Variants in LGR6 observed in about 807,000 individuals in gnomAD.
LGR6 encodes leucine rich repeat containing G protein-coupled receptor 6.
Under a neutral mutation model 69.4 loss-of-function variants are expected in LGR6, and 45 were observed. That is an observed-to-expected ratio of 0.65 (90% CI 0.51 to 0.83). The LOEUF is 0.83. Ranked by LOEUF, LGR6 falls within the 40% of genes least tolerant of loss-of-function variation. The pLI is 0.00. For synonymous variants in LGR6, 538 were observed against 555.0 expected (o/e 0.97, Z 0.43); for missense variants, 1,108 against 1,246.7 (o/e 0.89, Z 1.68).
intron 1 of LGR6, chr1:202,197,533 T>C: frequency 3.9e-6 from 2 of 512,882 alleles, no homozygotes; most frequent in Admixed American, 2.1e-5. Flanking sequence ...AAGAGGGAGA[T>C]GGAGCCCCTG....
Position 202,300,929 on chromosome 1 carries a change from T to C in LGR6, c.857+9T>C. ...CCTCTGCTACAGACGATGTGAGTAC[T>C]ACTTTCTCTGGTCTCTTAATGCCGA... On this transcript the variant is annotated intron_variant, in intron 8 of 17. Transcript: ENST00000367278. 6.2e-7 allele frequency: 1 copy of C among 1,605,542 alleles called. No individual in the cohort carries two copies. Among genetic ancestry groups the C allele is most frequent in the Non-Finnish European group, 8.5e-7 (1 of 1,173,784 alleles).
intron 7 of LGR6, among the ~76,000 whole-genome samples, chr1:202,298,186 CA>C (rs1342474210): frequency 6.6e-6 from 1 of 152,178 alleles, no homozygotes; most frequent in African/African-American, 2.4e-5. Flanking sequence ...TATATAACTC[CA>C]ACCATAACTT....
chr1:202,206,342 G>C (rs886791676), intron 1 of LGR6, among the ~76,000 whole-genome samples: 1 of 152,208 alleles, frequency 6.6e-6, no homozygotes, highest in African/African-American at 2.4e-5. Flanking sequence ...TGAGAGCTCA[G>C]GACCCAAAGG....
chr1:202,234,339 T>C (rs1165165158), intron 3 of LGR6, among the ~76,000 whole-genome samples: 1 of 152,176 alleles, frequency 6.6e-6, no homozygotes, highest in Non-Finnish European at 1.5e-5. Context: ...GCTCCTCCTA[T>C]CCCCACCCAT....
At position 202,223,324 on chromosome 1, in the gene LGR6, G is replaced by A. The variant is rs150589136; in HGVS notation, c.213-2099G>A. 2.0e-5 allele frequency among the ~76,000 whole-genome samples: 3 copies of A among 152,356 alleles called. No individual in the cohort carries two copies. The East Asian group carries it at 5.8e-4, about 29-fold the overall frequency. On this transcript the variant is annotated intron_variant, in intron 1 of 17. Transcript: ENST00000367278. ...GCACGGAATGTCTTCCTTCCTTGGA[G>A]GACATGGAGTCCAGAGCCCAGGCTT...
At chr1:202,204,204 C>T (rs1026670871) in intron 1 of LGR6, among the ~76,000 whole-genome samples, 1 of 142,718 alleles carries the variant, frequency 7.0e-6, no homozygotes, top group Non-Finnish European at 1.5e-5. Context: ...TCACAGACAC[C>T]TCCTTCAAGC....
chr1:202,197,424 G>A (rs1168551470), intron 1 of LGR6: 1 of 532,058 alleles, frequency 1.9e-6, no homozygotes, highest in Non-Finnish European at 3.9e-6. Context: ...TCTCTTTTTT[G>A]CAACAGTTTC....
At chr1:202,197,167 C>T in intron 1 of LGR6, 3 of 512,538 alleles carry the variant, frequency 5.9e-6, no homozygotes, top group Non-Finnish European at 1.2e-5. Flanking sequence ...AAAATGACAT[C>T]ACATCTCTTC....
At chr1:202,315,561 G>A (rs548482827) in intron 17 of LGR6, among the ~76,000 whole-genome samples, 148 of 152,364 alleles carry the variant, frequency 9.7e-4, no homozygotes, top group African/African-American at 3.5e-3. Flanking sequence ...GGCCACAGAA[G>A]GTGGCAAGCA....
At chr1:202,313,617 G>A (rs1212446418) in intron 16 of LGR6, among the ~76,000 whole-genome samples, 1 of 152,186 alleles carries the variant, frequency 6.6e-6, no homozygotes, top group Admixed American at 6.5e-5. Flanking sequence ...ATGAAGATGA[G>A]GACTGACTGG....
chr1:202,252,823 TCTGA>T lies in LGR6; in HGVS notation c.428+16834_428+16837del, dbSNP rs1397441796. 2.0e-5 allele frequency among the ~76,000 whole-genome samples: 3 copies of T among 152,326 alleles called. No homozygotes were observed. In the East Asian group the frequency reaches 5.8e-4, roughly 29 times the overall value. ...TTCTCTCCCTGACAAGAGTCCTGAA[TCTGA>T]CTGTGTCCAGACTGCTTTGAGACTT... is the stretch of plus-strand genomic sequence containing the variant. On this transcript the variant is annotated intron_variant, in intron 4 of 17. Transcript: ENST00000367278.
At chr1:202,295,670 A>G (rs532331043) in intron 6 of LGR6, among the ~76,000 whole-genome samples, 3 of 152,286 alleles carry the variant, frequency 2.0e-5, no homozygotes, top group East Asian at 3.9e-4. Flanking sequence ...AGTGCTTTGC[A>G]CACATCCTGG....
intron 4 of LGR6, among the ~76,000 whole-genome samples, chr1:202,255,008 G>T (rs1314667135): frequency 6.6e-6 from 1 of 152,212 alleles, no homozygotes; most frequent in Non-Finnish European, 1.5e-5. Flanking sequence ...CGGGGATGGG[G>T]TGTGACATTG....
At chr1:202,303,177 C>A in intron 9 of LGR6, 102 bp from the exon 10 acceptor site, 1 of 891,188 alleles carries the variant, frequency 1.1e-6, no homozygotes, top group Non-Finnish European at 1.9e-6. Context: ...GACATTGCCC[C>A]CAAAGGAGGA....
At chr1:202,280,961 G>C (rs1281369981) in intron 6 of LGR6, 109 bp downstream of exon 6, 2 of 985,130 alleles carry the variant, frequency 2.0e-6, no homozygotes, top group Non-Finnish European at 3.0e-6. Flanking sequence ...TGGGATGCTG[G>C]GGTCTGGCCC....
At chr1:202,251,300 G>C (rs1022069587) in intron 4 of LGR6, among the ~76,000 whole-genome samples, 2 of 152,142 alleles carry the variant, frequency 1.3e-5, no homozygotes, top group African/African-American at 4.8e-5. Flanking sequence ...AATGAGAAAA[G>C]AAACTCGTTA....
Position 202,227,911 on chromosome 1 carries a change from G to A in LGR6, c.285-25G>A, listed in dbSNP as rs770608480. On this transcript the variant is annotated intron_variant, in intron 2 of 17. Transcript: ENST00000367278. The stretch of plus-strand genomic sequence containing the variant: ...CCTCCTTGGGTTACCTGCCAACATC[G>A]CTGACCCTTGTCTCTGATTTCCAGG... The A allele has an allele frequency of 5.7e-6, 9 of 1,590,488 alleles. No individual in the cohort carries two copies. The Admixed American group carries it at 6.7e-5, about 12-fold the overall frequency.
rs1039402237 is a variant in LGR6 at position 202,262,620 on chromosome 1, A to G, written c.429-13686A>G. 3.3e-5 allele frequency among the ~76,000 whole-genome samples: 5 copies of G among 152,158 alleles called. No individual in the cohort carries two copies. In the East Asian group the frequency reaches 5.8e-4, roughly 18 times the overall value. On this transcript the variant is annotated intron_variant, in intron 4 of 17. Transcript: ENST00000367278. Reference sequence around the variant, plus strand: ...ATGTTTTCTTTCAGTTACAGCTATCATGTGCTTCTGCTCCATTCACTCTGG... The same window carrying G: ...ATGTTTTCTTTCAGTTACAGCTATCGTGTGCTTCTGCTCCATTCACTCTGG...
chr1:202,291,069 A>C (rs891412387), intron 6 of LGR6, among the ~76,000 whole-genome samples: 1 of 152,196 alleles, frequency 6.6e-6, no homozygotes, highest in African/African-American at 2.4e-5. Context: ...TTGCCTTCTC[A>C]GCTACTTTTA....
Sources: allele counts gnomAD v4.1 joint callset (sites outside exome capture counted in the v4.1 genomes callset), GRCh38; gene constraint gnomAD v4.1.1; transcripts MANE v1.5; gene names NCBI Gene and HGNC (gene_info 2026-07-23, HGNC 2026-07-21).